The following ZNF595 variants were observed in gnomAD, a reference collection of about 807,000 sequenced individuals.
The protein encoded by ZNF595 is zinc finger protein 595.
ZNF595 carries 9 observed loss-of-function variants against 19.4 expected under a neutral mutation model. The observed-to-expected ratio is 0.46, with a 90% CI of 0.28 to 0.81. The LOEUF (loss-of-function observed/expected upper bound fraction) is 0.81. Ranked by LOEUF, ZNF595 falls within the 30% of genes least tolerant of loss-of-function variation. ZNF595 has a pLI of 0.11. For synonymous variants in ZNF595, 255 were observed against 255.9 expected, an observed-to-expected ratio of 1.00 and a Z score of 0.03; for missense variants, 729 against 736.0, an observed-to-expected ratio of 0.99 and a Z score of 0.11.
rs1258761562 is a variant in ZNF595 at position 87,610 on chromosome 4, A to C, written c.*159A>C. Reference sequence around the variant, plus strand: ...TATCTATTCATGGCTTATTTGGATTATTTTGATACAGGCATATGACATGTA... The same window carrying C: ...TATCTATTCATGGCTTATTTGGATTCTTTTGATACAGGCATATGACATGTA... On this transcript the variant is annotated 3_prime_UTR_variant, in exon 4 of 4. Coordinates refer to ENST00000610261, the MANE Select transcript of ZNF595 (RefSeq NM_182524.4). 2.3e-5 allele frequency: 13 copies of C among 555,880 alleles called. No individual in the cohort carries two copies. Among genetic ancestry groups the C allele is most frequent in the Non-Finnish European group, 2.3e-5 (8 of 342,988 alleles). 34.4% of individuals were successfully genotyped at this position (555,880 alleles called of 1,614,324 possible).
chr4:71,242 T>C (rs1404371568), intron 3 of ZNF595, among the ~76,000 whole-genome samples: 1 of 152,250 alleles, frequency 6.6e-6, no homozygotes, highest in Non-Finnish European at 1.5e-5. Flanking sequence ...TAGGTTTTTT[T>C]CAAATATAAA....
At chr4:69,250 G>A (rs1713331867) in intron 3 of ZNF595, among the ~76,000 whole-genome samples, 1 of 152,146 alleles carries the variant, frequency 6.6e-6, no homozygotes, top group African/African-American at 2.4e-5. Context: ...CCTGATTTAT[G>A]TACATACCTA....
intron 3 of ZNF595, among the ~76,000 whole-genome samples, chr4:80,411 G>C (rs1445309570): frequency 2.0e-5 from 3 of 152,182 alleles, no homozygotes; most frequent in Non-Finnish European, 4.4e-5. Flanking sequence ...CAAGTCAATG[G>C]CTGATATCAT....
chr4:86,190 CAT>C lies in ZNF595; in HGVS notation c.687_688del (p.Cys230Ter), dbSNP rs1581391988. On this transcript the variant is annotated frameshift_variant, in exon 4 of 4. Coordinates refer to ENST00000610261, the MANE Select transcript of ZNF595 (RefSeq NM_182524.4). LOFTEE classifies it low-confidence loss of function (END_TRUNC). The stretch of plus-strand genomic sequence containing the variant: ...ATTCATACTGGAGAGAAACCCTACA[CAT>C]GTGAAGAATGTGGCAAAGCCTTTAG... The C allele has an allele frequency of 1.2e-5, 19 of 1,611,934 alleles. No homozygotes were observed. In the East Asian group the frequency reaches 1.8e-4, roughly 15 times the overall value.
At chr4:82,378 T>TTTTG in intron 3 of ZNF595, among the ~76,000 whole-genome samples, 1 of 103,524 alleles carries the variant, frequency 9.7e-6, no homozygotes, top group South Asian at 3.3e-4. Flanking sequence ...TGTGGTTTTT[T>TTTTG]TTTTTTTTTT....
intron 3 of ZNF595, among the ~76,000 whole-genome samples, chr4:82,389 T>G (rs1331990223): frequency 1.7e-5 from 2 of 115,468 alleles, no homozygotes; most frequent in African/African-American, 3.8e-5. Flanking sequence ...TTTTTTTTTT[T>G]TTTTTTTTTT....
chr4:76,468 A>G (rs996114062), intron 3 of ZNF595, among the ~76,000 whole-genome samples: 18 of 152,170 alleles, frequency 1.2e-4, no homozygotes, highest in Non-Finnish European at 4.4e-5. Context: ...CAGAGTTAAA[A>G]GGGATTTATG....
chr4:69,224 G>C (rs1284662158), intron 3 of ZNF595, among the ~76,000 whole-genome samples: 1 of 152,216 alleles, frequency 6.6e-6, no homozygotes, highest in Non-Finnish European at 1.5e-5. Flanking sequence ...TGGAGGTGCA[G>C]ATATCTCTTT....
chr4:84,026 T>G (rs1335583760), intron 3 of ZNF595, among the ~76,000 whole-genome samples: 2 of 152,178 alleles, frequency 1.3e-5, no homozygotes, highest in African/African-American at 4.8e-5. Context: ...TTTGGTATTT[T>G]GGAAATTACA....
rs541070508 is a variant in ZNF595 at position 78,000 on chromosome 4, T to TTTTG, written c.227-7711_227-7708dup. On this transcript the variant is annotated intron_variant, in intron 3 of 3. Coordinates refer to ENST00000610261, the MANE Select transcript of ZNF595 (RefSeq NM_182524.4). ...AGCTGAGACCAAAGTCTTCAGGGTT[T>TTTTG]TTTGTTTGTTTGTTTGTTTGTTTTT... is the stretch of plus-strand genomic sequence containing the variant. Among the ~76,000 whole-genome samples the TTTTG allele has an allele frequency of 4.7e-3, 708 of 152,034 alleles. 6 individuals carry two copies. The Middle Eastern group carries it at 0.048, about 10-fold the overall frequency.
Position 85,998 on chromosome 4 carries a change from T to G in ZNF595, c.494T>G (p.Ile165Arg). ...SKFSNSNKHKIRHTGEKPFKC... is the reference protein window; with the variant it reads ...SKFSNSNKHKRRHTGEKPFKC... ...TTTTCAAATTCAAACAAACATAAGATAAGACATACTGGAGAGAAACCCTTT... is the reference window on the plus strand; with the variant it reads ...TTTTCAAATTCAAACAAACATAAGAGAAGACATACTGGAGAGAAACCCTTT... Residue 165 changes from isoleucine (I) to arginine (R), a missense_variant, in exon 4 of 4, where the codon ATA (isoleucine) becomes AGA (arginine). This residue lies in a region of ZNF595 where 729 missense variants were observed against 675.3 expected (regional missense o/e 1.08). Coordinates refer to ENST00000610261, the MANE Select transcript of ZNF595 (RefSeq NM_182524.4). 1 of 1,608,010 alleles carries G rather than the reference T, an allele frequency of 6.2e-7. No individual in the cohort carries two copies.
At position 87,530 on chromosome 4, in the gene ZNF595, G is replaced by C. The variant is rs960780868; in HGVS notation, c.*79G>C. 6 of 1,290,712 alleles carry C rather than the reference G, an allele frequency of 4.6e-6. No homozygotes were observed. The Admixed American group carries it at 1.3e-4, about 28-fold the overall frequency. The allele number at this position is 1,290,712 out of a possible 1,614,324, so 80.0% of individuals were successfully genotyped here. On this transcript the variant is annotated 3_prime_UTR_variant, in exon 4 of 4. Coordinates refer to ENST00000610261, the MANE Select transcript of ZNF595 (RefSeq NM_182524.4). ...GAGAATATTGCTCCCATATAAACTT[G>C]TATTATTTTTCTTATTTTAAATTTT...
Position 87,439 on chromosome 4 carries a change from G to C in ZNF595, c.1935G>C (p.Lys645Asn). 1 of 1,578,192 alleles carries C rather than the reference G, an allele frequency of 6.3e-7. No homozygotes were observed. Among genetic ancestry groups the C allele is most frequent in the Non-Finnish European group, 8.6e-7 (1 of 1,162,380 alleles). ...TACACAAGCGAATTCATACTGGCAA[G>C]GAACATAGTTGAATGACATTTCTAG... is the stretch of plus-strand genomic sequence containing the variant. ...LTVHKRIHTG[K>N]EHS is the part of the protein sequence containing the mutation. Residue 645 changes from lysine to asparagine, a missense_variant, in exon 4 of 4, where the codon AAG becomes AAC. Lys to Asn is a moderately conservative substitution (Grantham distance 94). This residue lies in a region of ZNF595 where 729 missense variants were observed against 675.3 expected (regional missense o/e 1.08). Coordinates refer to ENST00000610261, the MANE Select transcript of ZNF595 (RefSeq NM_182524.4).
Position 86,644 on chromosome 4 carries a change from C to T in ZNF595, c.1140C>T (p.Ser380=), listed in dbSNP as rs781927611. 9.9e-6 allele frequency: 16 copies of T among 1,610,284 alleles called. No homozygotes were observed. The highest frequency in any genetic ancestry group is 1.4e-5 in the Non-Finnish European group (16 of 1,178,356). ...AATGTGGCAAAGCCTTTACTTGGTC[C>T]TCATCCCTTAATAAACATAAGAGAA... ...CEECGKAFTW[S]SSLNKHKRIH... Residue 380 remains serine, a synonymous_variant, in exon 4 of 4, where the codon TCC becomes TCT. Coordinates refer to ENST00000610261, the MANE Select transcript of ZNF595 (RefSeq NM_182524.4).
rs1560093907 is a variant in ZNF595 at position 85,804 on chromosome 4, G to T, written c.300G>T (p.Leu100=). ...GIEDSFHKLI[L]KRYEKCGHEN... is the part of the protein sequence containing the mutation. ...AAGATTCATTCCACAAACTTATACT[G>T]AAAAGATACGAGAAATGTGGACATG... The change falls in exon 4 of 4, where the codon CTG becomes CTT. Residue 100 remains leucine, a synonymous_variant. Transcript: ENST00000610261. 6.2e-7 allele frequency: 1 copy of T among 1,613,768 alleles called. No individual in the cohort carries two copies. Among genetic ancestry groups the T allele is most frequent in the East Asian group, 2.2e-5 (1 of 44,854 alleles).
chr4:80,550 T>G (rs555064610), intron 3 of ZNF595, among the ~76,000 whole-genome samples: 63 of 152,144 alleles, frequency 4.1e-4, no homozygotes, highest in Non-Finnish European at 6.6e-4. Flanking sequence ...GCAGACGAGC[T>G]GAGTCCAAAA....
At chr4:76,955 A>G (rs1251240158) in intron 3 of ZNF595, among the ~76,000 whole-genome samples, 13 of 152,268 alleles carry the variant, frequency 8.5e-5, no homozygotes, top group African/African-American at 3.1e-4. Context: ...TGCTATAGAC[A>G]TTTTAAGCTT....
intron 3 of ZNF595, among the ~76,000 whole-genome samples, chr4:78,069 C>T (rs993169840): frequency 2.0e-5 from 3 of 152,092 alleles, no homozygotes; most frequent in Non-Finnish European, 2.9e-5. Flanking sequence ...AGTGCAGTGG[C>T]GCGATCTCGG....
chr4:82,650 C>T (rs1309634591), intron 3 of ZNF595, among the ~76,000 whole-genome samples: 3 of 151,930 alleles, frequency 2.0e-5, no homozygotes, highest in East Asian at 3.9e-4. Flanking sequence ...TCCCAAAGTG[C>T]TTGGATTACA....
Sources: gnomAD v4.1 joint callset for allele counts (sites outside exome capture counted in the v4.1 genomes callset) on GRCh38, gnomAD v4.1.1 for gene constraint, gnomAD v4.1.1 regional missense constraint, MANE v1.5 for transcripts, NCBI Gene and HGNC (gene_info 2026-07-23, HGNC 2026-07-21) for gene names.